Variants in FGF12 observed in about 807,000 individuals in gnomAD.
FGF12 encodes fibroblast growth factor 12.
Under a neutral mutation model 23.6 loss-of-function variants are expected in FGF12, and 14 were observed. The observed-to-expected ratio is 0.59, with a 90% confidence interval of 0.39 to 0.93. FGF12 has a LOEUF of 0.93. Among genes scored for constraint, FGF12 ranks in the 40% least tolerant of loss-of-function variants. FGF12 has a pLI of 0.00. For synonymous variants in FGF12, 62 were observed against 77.3 expected, an observed-to-expected ratio of 0.80 and a Z score of 1.04; for missense variants, 175 against 217.8, an observed-to-expected ratio of 0.80 and a Z score of 1.24.
At chr3:192,485,084 T>A (rs1723596105) in intron 2 of FGF12, among the ~76,000 whole-genome samples, 1 of 151,638 alleles carries the variant, frequency 6.6e-6, no homozygotes. Flanking sequence ...TTTAAAATTT[T>A]AAATTTTATA....
At chr3:192,491,686 G>A (rs1577015687) in intron 2 of FGF12, among the ~76,000 whole-genome samples, 1 of 152,114 alleles carries the variant, frequency 6.6e-6, no homozygotes, top group Admixed American at 6.6e-5. Flanking sequence ...CTCTGAAACT[G>A]TATATAAACT....
intron 2 of FGF12, among the ~76,000 whole-genome samples, chr3:192,395,172 A>G (rs955481224): frequency 5.3e-5 from 8 of 152,236 alleles, no homozygotes; most frequent in Non-Finnish European, 1.2e-4. Context: ...GGGCAAAGAC[A>G]TAAATGAATA....
chr3:192,144,453 C>T (rs542575043), intron 5 of FGF12, among the ~76,000 whole-genome samples: 6 of 152,196 alleles, frequency 3.9e-5, no homozygotes, highest in East Asian at 1.9e-4. Context: ...GGAAATATTT[C>T]GCTTTTTGGT....
rs996599097 is a variant in FGF12, at chr3:192,409,993, C to T, written c.14-49455G>A. Among the ~76,000 whole-genome samples the T allele has an allele frequency of 6.6e-6, 1 of 152,028 alleles. No homozygotes were observed. The highest frequency in any genetic ancestry group is 2.4e-5 in the African/African-American group (1 of 41,426). ...GGCTGAGGCTCTGGGCGCGCGGAGC[C>T]GCCGCCGCCCCTCCGGCTGGCTCAG... On this transcript the variant is annotated intron_variant, in intron 2 of 5. Coordinates refer to ENST00000445105, the MANE Select transcript of FGF12 (RefSeq NM_004113.6). This position sits in a 1 kb window ranked among gnomAD's most constrained non-coding sequence, Gnocchi z 4.8.
chr3:192,627,239 T>A (rs957029184), intron 2 of FGF12, among the ~76,000 whole-genome samples: 2 of 152,080 alleles, frequency 1.3e-5, no homozygotes, highest in African/African-American at 4.8e-5. Flanking sequence ...AATAAAATTT[T>A]ATCTTATATT....
At chr3:192,429,073 AC>A (rs1207547146) in intron 2 of FGF12, among the ~76,000 whole-genome samples, 2 of 151,940 alleles carry the variant, frequency 1.3e-5, no homozygotes, top group Non-Finnish European at 2.9e-5. Context: ...TACCCTACTC[AC>A]CCCAAACACC....
At chr3:192,706,326 A>G (rs1332093641) in intron 2 of FGF12, among the ~76,000 whole-genome samples, 1 of 152,168 alleles carries the variant, frequency 6.6e-6, no homozygotes, top group Non-Finnish European at 1.5e-5. Flanking sequence ...TAAACTGGAA[A>G]AAAGTCTCTG....
At position 192,661,723 on chromosome 3, in the gene FGF12, A is replaced by G. The variant is rs916159426; in HGVS notation, c.13+65458T>C. 1.2e-4 allele frequency among the ~76,000 whole-genome samples: 18 copies of G among 152,358 alleles called. No homozygotes were observed. In the East Asian group the frequency reaches 1.4e-3, roughly 11 times the overall value. ...ATATTTCCTAAGCTGAAGACTGACTAGAGTCTGAGATTACCATGTTCCAGA... is the reference window on the plus strand; with the variant it reads ...ATATTTCCTAAGCTGAAGACTGACTGGAGTCTGAGATTACCATGTTCCAGA... On this transcript the variant is annotated intron_variant, in intron 2 of 5. Coordinates refer to ENST00000445105, the MANE Select transcript of FGF12 (RefSeq NM_004113.6).
At chr3:192,551,207 C>T (rs1008309350) in intron 2 of FGF12, among the ~76,000 whole-genome samples, 3 of 152,136 alleles carry the variant, frequency 2.0e-5, no homozygotes, top group South Asian at 2.1e-4. Flanking sequence ...GCTTTCTACC[C>T]GGGGTCACTT....
chr3:192,404,071 T>C (rs1327366388), intron 2 of FGF12, among the ~76,000 whole-genome samples: 1 of 152,200 alleles, frequency 6.6e-6, no homozygotes, highest in Non-Finnish European at 1.5e-5. Flanking sequence ...CATTACTTTT[T>C]AAAGGGATCG....
chr3:192,162,303 C>T (rs1410109097), intron 5 of FGF12, among the ~76,000 whole-genome samples: 1 of 152,026 alleles, frequency 6.6e-6, no homozygotes, highest in Non-Finnish European at 1.5e-5. Flanking sequence ...AAATGTATTG[C>T]CTTAGAAATG....
At chr3:192,385,563 C>A (rs912156773) in intron 2 of FGF12, among the ~76,000 whole-genome samples, 1 of 152,138 alleles carries the variant, frequency 6.6e-6, no homozygotes, top group African/African-American at 2.4e-5. Context: ...AATTCACCCC[C>A]CCCAGCTCAT....
rs190120329 is a variant in FGF12 at position 192,574,720 on chromosome 3, A to G, written c.13+152461T>C. Among the ~76,000 whole-genome samples the G allele has an allele frequency of 7.9e-5, 12 of 152,372 alleles. No individual in the cohort carries two copies. The East Asian group carries it at 2.1e-3, about 27-fold the overall frequency. The stretch of plus-strand genomic sequence containing the variant: ...TACTCTAGCAACACATATTTGTTGA[A>G]TACTACTGTGTACTAGGTACAATAA... On this transcript the variant is annotated intron_variant, in intron 2 of 5. Coordinates refer to ENST00000445105, the MANE Select transcript of FGF12 (RefSeq NM_004113.6).
intron 4 of FGF12, among the ~76,000 whole-genome samples, chr3:192,181,175 C>T (rs1306707982): frequency 1.3e-5 from 2 of 151,980 alleles, no homozygotes; most frequent in Admixed American, 6.6e-5. Context: ...CTGTGTAGGG[C>T]TAGGATATGA....
chr3:192,451,156 C>G (rs1303178435), intron 2 of FGF12, among the ~76,000 whole-genome samples: 1 of 152,132 alleles, frequency 6.6e-6, no homozygotes, highest in African/African-American at 2.4e-5. Flanking sequence ...GATTTTTACC[C>G]AAAGTGTAAA....
chr3:192,232,723 T>A (rs1290446716), intron 4 of FGF12, among the ~76,000 whole-genome samples: 1 of 151,938 alleles, frequency 6.6e-6, no homozygotes, highest in East Asian at 1.9e-4. Context: ...TTCAAATAGG[T>A]CCCAGTGCCT....
chr3:192,629,961 C>G (rs1419138648), intron 2 of FGF12, among the ~76,000 whole-genome samples: 1 of 152,126 alleles, frequency 6.6e-6, no homozygotes, highest in Non-Finnish European at 1.5e-5. Context: ...GAGCTCCGGC[C>G]CAAATCGCAT....
chr3:192,502,975 T>G (rs1724176167), intron 2 of FGF12, among the ~76,000 whole-genome samples: 1 of 152,240 alleles, frequency 6.6e-6, no homozygotes, highest in Admixed American at 6.5e-5. Flanking sequence ...CAGCAAATTA[T>G]TCCAAAGACC....
At chr3:192,246,566 G>A (rs1283456792) in intron 4 of FGF12, among the ~76,000 whole-genome samples, 2 of 152,064 alleles carry the variant, frequency 1.3e-5, no homozygotes, top group Non-Finnish European at 2.9e-5. Context: ...GCTCACTCCT[G>A]TAATCCCAGA....
Sources: gnomAD v4.1 joint callset for allele counts (sites outside exome capture counted in the v4.1 genomes callset) on GRCh38, gnomAD v4.1.1 for gene constraint, Gnocchi (gnomAD v3.1) non-coding constraint, MANE v1.5 for transcripts, NCBI Gene and HGNC (gene_info 2026-07-23, HGNC 2026-07-21) for gene names.